FHIT: variants seen among roughly 807,000 people sequenced by gnomAD.
The protein encoded by FHIT is bis(5'-adenosyl)-triphosphatase.
Under a neutral mutation model 17.9 loss-of-function variants are expected in FHIT, and 19 were observed. That is an observed-to-expected ratio of 1.06 (90% CI 0.74 to 1.56). The LOEUF is 1.56. FHIT is among the 40% of genes most tolerant of loss of function. The probability of loss-of-function intolerance (pLI) is 0.00; values close to 1 mark genes in which losing one functional copy is unlikely to be tolerated. For missense variants in FHIT, 248 were observed against 189.2 expected (o/e 1.31, Z -1.82); for synonymous variants, 81 against 69.7 (o/e 1.16, Z -0.81).
intron 5 of FHIT, among the ~76,000 whole-genome samples, chr3:60,280,625 G>A (rs770593705): frequency 7.2e-5 from 11 of 152,068 alleles, no homozygotes; most frequent in Non-Finnish European, 1.3e-4. Flanking sequence ...TCAAGGAATG[G>A]ATTTCCCTCC....
intron 7 of FHIT, among the ~76,000 whole-genome samples, chr3:60,003,916 C>T (rs1328688276): frequency 2.0e-5 from 3 of 149,444 alleles, no homozygotes; most frequent in African/African-American, 5.0e-5. Flanking sequence ...TTGGATATCA[C>T]AGGTTTAAAA....
At chr3:60,171,870 T>C (rs1183444961) in intron 5 of FHIT, among the ~76,000 whole-genome samples, 5 of 105,138 alleles carry the variant, frequency 4.8e-5, no homozygotes, top group African/African-American at 9.6e-5. Context: ...CCTGCCCAGC[T>C]ATTTTTTTTT....
chr3:60,527,440 A>G (rs1333747999), intron 5 of FHIT, among the ~76,000 whole-genome samples: 3 of 152,230 alleles, frequency 2.0e-5, no homozygotes, highest in Admixed American at 6.5e-5. Flanking sequence ...GAAGTTCTTG[A>G]TAACTTCAGG....
intron 8 of FHIT, among the ~76,000 whole-genome samples, chr3:59,789,894 T>C (rs1417976914): frequency 3.9e-5 from 6 of 152,252 alleles, no homozygotes; most frequent in African/African-American, 7.2e-5. Context: ...CTGGCTTCCA[T>C]TGAATAAAGA....
chr3:60,495,499 G>T (rs74898433), intron 5 of FHIT, among the ~76,000 whole-genome samples: 1 of 151,664 alleles, frequency 6.6e-6, no homozygotes, highest in East Asian at 1.9e-4. Flanking sequence ...AATTAAAAAG[G>T]CAGTGACAAA....
chr3:60,462,570 G>C (rs537606155), intron 5 of FHIT, among the ~76,000 whole-genome samples: 2 of 152,280 alleles, frequency 1.3e-5, no homozygotes, highest in African/African-American at 4.8e-5. Flanking sequence ...CGGAAAGCAG[G>C]GTAGTGAAGA....
At chr3:60,319,711 G>T (rs1380020162) in intron 5 of FHIT, among the ~76,000 whole-genome samples, 3 of 152,160 alleles carry the variant, frequency 2.0e-5, no homozygotes, top group African/African-American at 4.8e-5. Context: ...CAAATAAAGT[G>T]ATCACCGTGG....
intron 3 of FHIT, among the ~76,000 whole-genome samples, chr3:60,853,030 A>G (rs1703216342): frequency 6.6e-6 from 1 of 152,020 alleles, no homozygotes; most frequent in Admixed American, 6.6e-5. Context: ...ACTTTACTCA[A>G]ATTCTTATGT....
chr3:60,268,077 C>T (rs982286496), intron 5 of FHIT, among the ~76,000 whole-genome samples: 3 of 152,142 alleles, frequency 2.0e-5, no homozygotes, highest in Non-Finnish European at 1.5e-5. Flanking sequence ...CTGTGGATAT[C>T]ATTCATAGAA....
chr3:60,427,147 A>T (rs1217915918), intron 5 of FHIT, among the ~76,000 whole-genome samples: 1 of 152,144 alleles, frequency 6.6e-6, no homozygotes, highest in Admixed American at 6.6e-5. Context: ...AAAGCCTAAA[A>T]GAAATTCTAC....
intron 3 of FHIT, among the ~76,000 whole-genome samples, chr3:60,918,856 T>A (rs1344768169): frequency 6.6e-6 from 1 of 152,256 alleles, no homozygotes; most frequent in Non-Finnish European, 1.5e-5. Flanking sequence ...TAGTAACACT[T>A]GCCAATCTGA....
chr3:61,120,883 G>C (rs749198552), intron 2 of FHIT, among the ~76,000 whole-genome samples: 1 of 151,926 alleles, frequency 6.6e-6, no homozygotes, highest in Non-Finnish European at 1.5e-5. Context: ...AGAATAACCA[G>C]TTTAGAGAAA....
intron 3 of FHIT, among the ~76,000 whole-genome samples, chr3:60,851,536 C>T (rs1176412135): frequency 3.9e-5 from 6 of 152,114 alleles, no homozygotes; most frequent in Non-Finnish European, 8.8e-5. Flanking sequence ...ATATTATTTA[C>T]ATCAGTACTT....
intron 5 of FHIT, among the ~76,000 whole-genome samples, chr3:60,266,865 C>T (rs140772710): frequency 6.6e-6 from 1 of 151,968 alleles, no homozygotes; most frequent in East Asian, 1.9e-4. Flanking sequence ...GGGGCTAAGA[C>T]AGTGATAAGT....
At position 60,014,074 on chromosome 3, in the gene FHIT, G is replaced by C; in HGVS notation, c.182C>G (p.Thr61Arg). The change falls in exon 6 of 10, where the codon ACG becomes AGG. Residue 61 changes from threonine to arginine, a missense_variant. Coordinates refer to ENST00000492590, the MANE Select transcript of FHIT (RefSeq NM_002012.4). ...RPDEVADLFQTTQRVGTVVEK... is the reference protein window; with the variant it reads ...RPDEVADLFQRTQRVGTVVEK... The stretch of plus-strand genomic sequence containing the variant: ...CACCACTGTCCCGACTCTCTGGGTC[G>C]TCTGAAACAAATCGGCCACTTCATC... The C allele has an allele frequency of 6.2e-7, 1 of 1,614,030 alleles. No homozygotes were observed.
intron 3 of FHIT, among the ~76,000 whole-genome samples, chr3:60,940,408 A>G (rs1708361255): frequency 1.3e-5 from 2 of 151,198 alleles, no homozygotes; most frequent in Admixed American, 6.6e-5. Context: ...AATCTGAGAT[A>G]TGAGCTTCTG....
chr3:60,587,960 T>C (rs1167178723), intron 4 of FHIT, among the ~76,000 whole-genome samples: 1 of 151,918 alleles, frequency 6.6e-6, no homozygotes, highest in African/African-American at 2.4e-5. Context: ...CCTTCTCCTT[T>C]TTTTTTTCCC....
chr3:60,797,575 C>T (rs1275591461), intron 4 of FHIT, among the ~76,000 whole-genome samples: 1 of 151,058 alleles, frequency 6.6e-6, no homozygotes, highest in Non-Finnish European at 1.5e-5. Flanking sequence ...CTCACAAATT[C>T]AGGCAATATT....
intron 2 of FHIT, among the ~76,000 whole-genome samples, chr3:61,087,291 G>A (rs2035335708): frequency 6.6e-6 from 1 of 152,034 alleles, no homozygotes; most frequent in Admixed American, 6.6e-5. Flanking sequence ...CCAACATAAA[G>A]AGAACAACAA....
Sources: gnomAD v4.1 joint callset for allele counts (sites outside exome capture counted in the v4.1 genomes callset) on GRCh38, gnomAD v4.1.1 for gene constraint, MANE v1.5 for transcripts, NCBI Gene and HGNC (gene_info 2026-07-23, HGNC 2026-07-21) for gene names.